Variants in MLPH observed in about 807,000 individuals in gnomAD.
MLPH encodes the protein exophilin-3.
In MLPH, 51 loss-of-function variants were observed where a neutral mutation model predicts 72.1. The ratio of observed to expected loss-of-function variants is 0.71; its 90% confidence interval spans 0.56 to 0.89. MLPH has a LOEUF of 0.89. Ranked by LOEUF, MLPH falls within the 40% of genes least tolerant of loss-of-function variation. The probability of loss-of-function intolerance (pLI) is 0.00; values close to 1 mark genes in which losing one functional copy is unlikely to be tolerated. For synonymous variants in MLPH, 301 were observed against 310.1 expected, an observed-to-expected ratio of 0.97 and a Z score of 0.31; for missense variants, 743 against 759.9, an observed-to-expected ratio of 0.98 and a Z score of 0.26.
chr2:237,550,675 GA>G (rs1451590798), intron 14 of MLPH, among the ~76,000 whole-genome samples: 1 of 152,168 alleles, frequency 6.6e-6, no homozygotes, highest in East Asian at 1.9e-4. Context: ...TCTGCCTCCT[GA>G]GTAGCTGGGA....
chr2:237,491,362 A>G (rs1160751514), intron 1 of MLPH, among the ~76,000 whole-genome samples: 1 of 152,202 alleles, frequency 6.6e-6, no homozygotes. Context: ...GTTACTCACA[A>G]CAGAACTCCC....
At chr2:237,519,223 G>T (rs1364562652) in intron 5 of MLPH, among the ~76,000 whole-genome samples, 1 of 152,160 alleles carries the variant, frequency 6.6e-6, no homozygotes, top group Non-Finnish European at 1.5e-5. Context: ...GGAAGAAGGG[G>T]CTGGGTAGGT....
chr2:237,519,290 G>C (rs2080124361), intron 5 of MLPH, among the ~76,000 whole-genome samples: 2 of 152,082 alleles, frequency 1.3e-5, no homozygotes, highest in South Asian at 4.1e-4. Context: ...CATTCAACAT[G>C]AACCAACTCT....
At chr2:237,502,530 G>C (rs2079673615) in intron 2 of MLPH, among the ~76,000 whole-genome samples, 1 of 152,222 alleles carries the variant, frequency 6.6e-6, no homozygotes, top group African/African-American at 2.4e-5. Context: ...TAGCCCCTCA[G>C]CTGTGGTTAT....
intron 2 of MLPH, among the ~76,000 whole-genome samples, chr2:237,498,893 C>T (rs2079590442): frequency 6.6e-6 from 1 of 152,208 alleles, no homozygotes; most frequent in Admixed American, 6.5e-5. Context: ...TGACTTAACA[C>T]CCATGTCCTA....
chr2:237,550,209 C>T (rs184336306), intron 14 of MLPH, among the ~76,000 whole-genome samples: 31 of 152,266 alleles, frequency 2.0e-4, no homozygotes, highest in African/African-American at 7.5e-4. Flanking sequence ...AGTATGAAGC[C>T]TCTCCCCCGG....
chr2:237,520,085 G>A (rs2080147995), intron 6 of MLPH, 56 bp downstream of exon 6: 2 of 1,611,782 alleles, frequency 1.2e-6, no homozygotes, highest in Admixed American at 3.3e-5. Context: ...AGTGGCAGGT[G>A]CTCAGGCCCC....
chr2:237,508,891 G>T (rs959981761), intron 2 of MLPH, among the ~76,000 whole-genome samples: 4 of 152,166 alleles, frequency 2.6e-5, no homozygotes, highest in Admixed American at 6.5e-5. Context: ...AAGCTGACTT[G>T]TTTCGAGTCT....
At position 237,505,681 on chromosome 2, in the gene MLPH, T is replaced by C. The variant is rs1000642164; in HGVS notation, c.111-4893T>C. Among the ~76,000 whole-genome samples, 2 of 152,114 alleles carry C rather than the reference T, an allele frequency of 1.3e-5. No individual in the cohort carries two copies. The highest frequency in any genetic ancestry group is 2.4e-5 in the African/African-American group (1 of 41,436). ...CCCTTCACCCTGCGTGGCTCACCAA[T>C]CCTGTCCAGACCCCATCATAGGAGC... On this transcript the variant is annotated intron_variant, in intron 2 of 15. Transcript: ENST00000264605. This position sits in a 1 kb window ranked among gnomAD's most constrained non-coding sequence, Gnocchi z 4.5.
chr2:237,489,127 G>A (rs563421369), intron 1 of MLPH, among the ~76,000 whole-genome samples: 2 of 152,352 alleles, frequency 1.3e-5, no homozygotes, highest in South Asian at 2.1e-4. Flanking sequence ...GGCTGGCTGT[G>A]CCTGAACTGG....
At chr2:237,543,421 TG>T (rs1304844811) in intron 12 of MLPH, among the ~76,000 whole-genome samples, 3 of 5,214 alleles carry the variant, frequency 5.8e-4, no homozygotes, top group African/African-American at 6.8e-3. Context: ...CAGTAGTGAG[TG>T]GGGGACAGTG....
At chr2:237,522,238 G>GTAGAA (rs1559355767) in intron 6 of MLPH, among the ~76,000 whole-genome samples, 13 of 47,852 alleles carry the variant, frequency 2.7e-4, no homozygotes, top group Non-Finnish European at 4.1e-4. Context: ...CTGGAGTGGA[G>GTAGAA]CTGGGCTGAG....
intron 4 of MLPH, among the ~76,000 whole-genome samples, chr2:237,516,821 A>T (rs933278714): frequency 1.5e-4 from 20 of 135,652 alleles, no homozygotes; most frequent in African/African-American, 2.7e-4. Flanking sequence ...GGATGGATGG[A>T]TGGATGGTAG....
intron 2 of MLPH, among the ~76,000 whole-genome samples, chr2:237,495,349 A>G (rs1319352359): frequency 6.6e-6 from 1 of 152,178 alleles, no homozygotes; most frequent in Non-Finnish European, 1.5e-5. Context: ...TTGGGACTAG[A>G]ACATGAATGC....
intron 12 of MLPH, among the ~76,000 whole-genome samples, chr2:237,545,187 GCACA>G (rs2080881867): frequency 2.0e-5 from 1 of 48,890 alleles, no homozygotes; most frequent in African/African-American, 1.1e-4. Context: ...TGAGTGGAGG[GCACA>G]GTGGTGAGTG....
At chr2:237,517,466 G>A (rs1212321270) in intron 4 of MLPH, among the ~76,000 whole-genome samples, 3 of 151,468 alleles carry the variant, frequency 2.0e-5, no homozygotes, top group African/African-American at 7.3e-5. Context: ...TGGATGGATG[G>A]ATAGATAGAT....
At chr2:237,542,542 C>T (rs754109510) in intron 11 of MLPH, 25 bp from the exon 12 acceptor site, 16 of 1,559,490 alleles carry the variant, frequency 1.0e-5, no homozygotes, top group Admixed American at 7.4e-5. Flanking sequence ...GTCTGACGGG[C>T]CTTCTGTCTG....
At chr2:237,496,699 A>T (rs2079542613) in intron 2 of MLPH, among the ~76,000 whole-genome samples, 1 of 151,478 alleles carries the variant, frequency 6.6e-6, no homozygotes, top group African/African-American at 2.5e-5. Flanking sequence ...TAATTGGCCC[A>T]GTCTGCTATG....
chr2:237,538,092 T>A (rs1296581265), intron 9 of MLPH, among the ~76,000 whole-genome samples: 2 of 152,190 alleles, frequency 1.3e-5, no homozygotes, highest in Non-Finnish European at 2.9e-5. Context: ...AGGGAGCCAC[T>A]CTGCTCCCAG....
Sources: allele counts gnomAD v4.1 joint callset (sites outside exome capture counted in the v4.1 genomes callset), GRCh38; gene constraint gnomAD v4.1.1; non-coding constraint Gnocchi (gnomAD v3.1); transcripts MANE v1.5; gene names NCBI Gene and HGNC (gene_info 2026-07-23, HGNC 2026-07-21).